The following SLC24A3 variants were observed in gnomAD, a reference collection of about 807,000 sequenced individuals.
SLC24A3 encodes the protein sodium/potassium/calcium exchanger 3.
Under a neutral mutation model 75.8 loss-of-function variants are expected in SLC24A3, and 28 were observed. The observed-to-expected ratio is 0.37, with a 90% confidence interval of 0.27 to 0.51. SLC24A3 has a LOEUF of 0.51. SLC24A3 is among the 20% of genes least tolerant of loss of function. SLC24A3 has a pLI of 0.94. For missense variants in SLC24A3, 663 were observed against 847.8 expected, an observed-to-expected ratio of 0.78 and a Z score of 2.71; for synonymous variants, 372 against 334.1, an observed-to-expected ratio of 1.11 and a Z score of -1.24.
chr20:19,408,067 C>T (rs1986680030), intron 2 of SLC24A3, among the ~76,000 whole-genome samples: 1 of 152,170 alleles, frequency 6.6e-6, no homozygotes, highest in Non-Finnish European at 1.5e-5. Flanking sequence ...TCCTCCCTTA[C>T]CTCAATAAAA....
At chr20:19,263,405 C>G (rs1242608178) in intron 1 of SLC24A3, among the ~76,000 whole-genome samples, 1 of 152,180 alleles carries the variant, frequency 6.6e-6, no homozygotes, top group African/African-American at 2.4e-5. Flanking sequence ...CACTTAGATA[C>G]CAGTGCTCCT....
intron 6 of SLC24A3, among the ~76,000 whole-genome samples, chr20:19,644,977 G>A (rs980876668): frequency 6.6e-6 from 1 of 152,226 alleles, no homozygotes; most frequent in African/African-American, 2.4e-5. Flanking sequence ...AGCCACATGA[G>A]CTGTATCTGT....
intron 1 of SLC24A3, among the ~76,000 whole-genome samples, chr20:19,244,749 C>A: frequency 6.6e-6 from 1 of 152,072 alleles, no homozygotes; most frequent in Non-Finnish European, 1.5e-5. Flanking sequence ...GTCCAATAGA[C>A]AAGATAACCT....
chr20:19,695,131 A>G (rs142173887), intron 13 of SLC24A3, among the ~76,000 whole-genome samples: 3 of 152,250 alleles, frequency 2.0e-5, no homozygotes, highest in African/African-American at 7.2e-5. Flanking sequence ...TCTCTGTCTG[A>G]AAGGAGGCAA....
At chr20:19,247,538 A>G (rs1362933467) in intron 1 of SLC24A3, among the ~76,000 whole-genome samples, 1 of 152,202 alleles carries the variant, frequency 6.6e-6, no homozygotes, top group Admixed American at 6.5e-5. Context: ...GCTCATTTCT[A>G]GAGGCAGCAG....
At chr20:19,618,977 C>A (rs1327562773) in intron 6 of SLC24A3, among the ~76,000 whole-genome samples, 1 of 152,164 alleles carries the variant, frequency 6.6e-6, no homozygotes, top group African/African-American at 2.4e-5. Flanking sequence ...CAGGGTGAAC[C>A]ACCAGGGCAG....
chr20:19,688,041 G>A (rs1404458288), intron 12 of SLC24A3, among the ~76,000 whole-genome samples: 1 of 152,148 alleles, frequency 6.6e-6, no homozygotes, highest in Non-Finnish European at 1.5e-5. Context: ...CTGTGTGGTC[G>A]TACCATCCCG....
chr20:19,424,738 ACAACAAC>A (rs1568614226), intron 2 of SLC24A3, among the ~76,000 whole-genome samples: 5 of 33,862 alleles, frequency 1.5e-4, no homozygotes, highest in African/African-American at 3.2e-4. Flanking sequence ...CAAAAAAAAA[ACAACAAC>A]AAAAAAAAAA....
chr20:19,720,614 T>C (rs1048566124), intron 16 of SLC24A3, among the ~76,000 whole-genome samples: 11 of 151,798 alleles, frequency 7.2e-5, no homozygotes, highest in Non-Finnish European at 1.5e-4. Flanking sequence ...GACTGAGGGG[T>C]CAGTGTCCCC....
At chr20:19,565,435 A>G (rs2030940995) in intron 3 of SLC24A3, among the ~76,000 whole-genome samples, 1 of 151,742 alleles carries the variant, frequency 6.6e-6, no homozygotes. Context: ...CCAATGATTG[A>G]TTGGTATAGT....
intron 8 of SLC24A3, among the ~76,000 whole-genome samples, chr20:19,672,588 C>A (rs1028350087): frequency 2.0e-5 from 3 of 152,088 alleles, no homozygotes; most frequent in African/African-American, 7.2e-5. Context: ...CCTTTCCTCT[C>A]GGCCTCCCAA....
Position 19,224,731 on chromosome 20 carries a change from T to C in SLC24A3, c.142+11747T>C, listed in dbSNP as rs1291542618. On this transcript the variant is annotated intron_variant, in intron 1 of 16. Transcript: ENST00000328041. ...GGGACCATTGAATCTTAACATCCTG[T>C]TTTACTTTTGAGGAAACTAATGTCA... 2.6e-5 allele frequency among the ~76,000 whole-genome samples: 4 copies of C among 152,300 alleles called. No individual in the cohort carries two copies. In the East Asian group the frequency reaches 7.7e-4, roughly 29 times the overall value.
At chr20:19,545,648 A>G (rs561218153) in intron 3 of SLC24A3, among the ~76,000 whole-genome samples, 2 of 152,202 alleles carry the variant, frequency 1.3e-5, no homozygotes, top group South Asian at 4.2e-4. Context: ...TAATCACAAG[A>G]CCACCTGCCC....
intron 6 of SLC24A3, among the ~76,000 whole-genome samples, chr20:19,600,467 A>C (rs995322478): frequency 3.3e-5 from 5 of 152,242 alleles, no homozygotes; most frequent in African/African-American, 9.6e-5. Context: ...AATTGTGCAC[A>C]TCTGTCATCT....
chr20:19,496,542 G>A (rs1473362875), intron 2 of SLC24A3, among the ~76,000 whole-genome samples: 1 of 152,214 alleles, frequency 6.6e-6, no homozygotes, highest in Non-Finnish European at 1.5e-5. Flanking sequence ...TCAAGAGAAT[G>A]TTTGTGGAAG....
At chr20:19,598,255 A>G (rs2031476502) in intron 6 of SLC24A3, among the ~76,000 whole-genome samples, 1 of 151,968 alleles carries the variant, frequency 6.6e-6, no homozygotes, top group African/African-American at 2.4e-5. Context: ...GGGAAATCTC[A>G]CTCTGCATTT....
intron 3 of SLC24A3, among the ~76,000 whole-genome samples, chr20:19,538,963 C>T (rs950946663): frequency 1.2e-4 from 18 of 152,208 alleles, no homozygotes; most frequent in African/African-American, 4.1e-4. Context: ...TACAACAACA[C>T]GGTTGAATCC....
At position 19,692,675 on chromosome 20, in the gene SLC24A3, A is replaced by T. The variant is rs544552532; in HGVS notation, c.1325-584A>T. ...CATTGAGGAATACATGGAAATATGTATGCATATTTATTTCTAGAGGTGAAT... is the reference window on the plus strand; with the variant it reads ...CATTGAGGAATACATGGAAATATGTTTGCATATTTATTTCTAGAGGTGAAT... On this transcript the variant is annotated intron_variant, in intron 12 of 16. Transcript: ENST00000328041. 7.2e-5 allele frequency among the ~76,000 whole-genome samples: 11 copies of T among 152,306 alleles called. 1 individual carries two copies. The highest frequency in any genetic ancestry group is 2.0e-4 in the Admixed American group (3 of 15,298).
At chr20:19,252,640 T>TGGGGGGGGG (rs1555783947) in intron 1 of SLC24A3, among the ~76,000 whole-genome samples, 1 of 99,518 alleles carries the variant, frequency 1.0e-5, no homozygotes, top group Non-Finnish European at 2.0e-5. Flanking sequence ...GAAATTGGAA[T>TGGGGGGGGG]GGCGGGGGGG....
Sources: gnomAD v4.1 joint callset for allele counts (sites outside exome capture counted in the v4.1 genomes callset) on GRCh38, gnomAD v4.1.1 for gene constraint, MANE v1.5 for transcripts, NCBI Gene and HGNC (gene_info 2026-07-23, HGNC 2026-07-21) for gene names.